The following SLC9A9 variants were observed in gnomAD, a reference collection of about 807,000 sequenced individuals.
SLC9A9 encodes the protein sodium/hydrogen exchanger 9.
Under a neutral mutation model 77.8 loss-of-function variants are expected in SLC9A9, and 62 were observed. The observed-to-expected ratio is 0.80, with a 90% CI of 0.65 to 0.98. The LOEUF (loss-of-function observed/expected upper bound fraction) is 0.98. Ranked by LOEUF, SLC9A9 falls within the 50% of genes least tolerant of loss-of-function variation. The probability of loss-of-function intolerance (pLI) is 0.00; values close to 1 mark genes in which losing one functional copy is unlikely to be tolerated. For synonymous variants in SLC9A9, 320 were observed against 283.5 expected, an observed-to-expected ratio of 1.13 and a Z score of -1.29; for missense variants, 775 against 774.9, an observed-to-expected ratio of 1.00 and a Z score of 0.00.
In SLC9A9 at chr3:143,392,494, A is replaced by T. The variant is rs531260741; in HGVS notation, c.1470-10380T>A. Among the ~76,000 whole-genome samples, 5 of 152,330 alleles carry T rather than the reference A, an allele frequency of 3.3e-5. No individual in the cohort carries two copies. The South Asian group carries it at 8.3e-4, about 25-fold the overall frequency. On this transcript the variant is annotated intron_variant, in intron 12 of 15. Coordinates refer to ENST00000316549, the MANE Select transcript of SLC9A9 (RefSeq NM_173653.4). ...ACAACTGGTACCAGCCACTGCAAAA[A>T]CATGCCAAATTGTAAAGACCATCGA...
Position 143,425,973 on chromosome 3 carries a change from C to CTT in SLC9A9, c.1469+41062_1469+41063dup, listed in dbSNP as rs34690704. 2.2e-3 allele frequency among the ~76,000 whole-genome samples: 327 copies of CTT among 147,436 alleles called. 1 individual carries two copies. Among genetic ancestry groups the CTT allele is most frequent in the East Asian group, 5.0e-3 (25 of 5,010 alleles). On this transcript the variant is annotated intron_variant, in intron 12 of 15. Transcript: ENST00000316549. Reference sequence around the variant, plus strand: ...GCTCCACACTAAAGAGCCACAATGGCTTTTTTTTTTTTTCCTAAAAAGACA... The same window carrying CTT: ...GCTCCACACTAAAGAGCCACAATGGCTTTTTTTTTTTTTTTCCTAAAAAGACA...
intron 14 of SLC9A9, among the ~76,000 whole-genome samples, chr3:143,308,788 C>T (rs919681262): frequency 6.6e-6 from 1 of 152,104 alleles, no homozygotes; most frequent in South Asian, 2.1e-4. Context: ...GGTAAACGTT[C>T]AGTATACTGG....
intron 6 of SLC9A9, among the ~76,000 whole-genome samples, chr3:143,625,299 A>G (rs1470986131): frequency 6.6e-6 from 1 of 152,258 alleles, no homozygotes; most frequent in Non-Finnish European, 1.5e-5. Flanking sequence ...AAGAGCCCGC[A>G]TTGCCAAGTC....
At chr3:143,644,393 C>T (rs572574095) in intron 6 of SLC9A9, among the ~76,000 whole-genome samples, 48 of 152,294 alleles carry the variant, frequency 3.2e-4, no homozygotes, top group African/African-American at 9.9e-4. Flanking sequence ...GTTCTGGAGA[C>T]GCTGCCAGTG....
chr3:143,303,870 C>T (rs1010488343), intron 14 of SLC9A9, among the ~76,000 whole-genome samples: 1 of 152,162 alleles, frequency 6.6e-6, no homozygotes, highest in Non-Finnish European at 1.5e-5. Context: ...AGGCACTGCC[C>T]TTGGTCCCCT....
chr3:143,389,284 C>T (rs2033499123), intron 12 of SLC9A9, among the ~76,000 whole-genome samples: 1 of 152,054 alleles, frequency 6.6e-6, no homozygotes, highest in Non-Finnish European at 1.5e-5. Context: ...AAACTGGAGG[C>T]ATGGAGGTCA....
intron 12 of SLC9A9, among the ~76,000 whole-genome samples, chr3:143,459,442 T>G (rs945193994): frequency 1.6e-4 from 24 of 152,232 alleles, no homozygotes; most frequent in Non-Finnish European, 2.5e-4. Context: ...TTGTCCAGAA[T>G]GCAAGTTCTT....
At chr3:143,544,334 C>A (rs1311858932) in intron 9 of SLC9A9, among the ~76,000 whole-genome samples, 2 of 152,130 alleles carry the variant, frequency 1.3e-5, no homozygotes, top group East Asian at 3.9e-4. Flanking sequence ...TCATGCCATT[C>A]TCCTGTCTCA....
chr3:143,632,447 T>G (rs1224987244), intron 6 of SLC9A9, among the ~76,000 whole-genome samples: 1 of 152,086 alleles, frequency 6.6e-6, no homozygotes, highest in African/African-American at 2.4e-5. Context: ...AAATTGAACC[T>G]GAGGCACTTT....
chr3:143,439,146 C>T (rs1301608985), intron 12 of SLC9A9, among the ~76,000 whole-genome samples: 2 of 152,154 alleles, frequency 1.3e-5, no homozygotes, highest in African/African-American at 4.8e-5. Flanking sequence ...GCACTTATTG[C>T]TTGCTAGGCA....
chr3:143,754,066 G>A (rs1442371923), intron 4 of SLC9A9, among the ~76,000 whole-genome samples: 1 of 152,020 alleles, frequency 6.6e-6, no homozygotes, highest in African/African-American at 2.4e-5. Context: ...CTAGAGTTTT[G>A]GATCGGCCTT....
chr3:143,397,676 C>A (rs2033760377), intron 12 of SLC9A9, among the ~76,000 whole-genome samples: 1 of 152,114 alleles, frequency 6.6e-6, no homozygotes, highest in African/African-American at 2.4e-5. Flanking sequence ...CCATTAAAGA[C>A]CATGCTTGGT....
chr3:143,395,670 A>C (rs866413093), intron 12 of SLC9A9, among the ~76,000 whole-genome samples: 4 of 152,224 alleles, frequency 2.6e-5, no homozygotes, highest in Admixed American at 6.5e-5. Flanking sequence ...CAACCTACAG[A>C]ATGGGAGAAA....
At chr3:143,515,361 A>C (rs907379929) in intron 9 of SLC9A9, among the ~76,000 whole-genome samples, 1 of 152,220 alleles carries the variant, frequency 6.6e-6, no homozygotes, top group Non-Finnish European at 1.5e-5. Flanking sequence ...ATGCTGCTGG[A>C]AAGATGAGGC....
chr3:143,654,335 G>A (rs776341041), intron 5 of SLC9A9, among the ~76,000 whole-genome samples: 11 of 152,196 alleles, frequency 7.2e-5, no homozygotes, highest in Non-Finnish European at 1.3e-4. Context: ...GAATTGACAT[G>A]ACAATTGGCC....
At chr3:143,665,808 A>G (rs1353212715) in intron 5 of SLC9A9, among the ~76,000 whole-genome samples, 1 of 152,230 alleles carries the variant, frequency 6.6e-6, no homozygotes, top group African/African-American at 2.4e-5. Context: ...TGAATAGACC[A>G]ATAACAGGCT....
chr3:143,439,943 T>G (rs752448768), intron 12 of SLC9A9, among the ~76,000 whole-genome samples: 2 of 152,212 alleles, frequency 1.3e-5, no homozygotes, highest in Non-Finnish European at 2.9e-5. Flanking sequence ...GCAGTTTTAT[T>G]GCTTCAGGAG....
intron 8 of SLC9A9, among the ~76,000 whole-genome samples, chr3:143,557,847 A>G (rs2037014150): frequency 6.6e-6 from 1 of 152,246 alleles, no homozygotes; most frequent in African/African-American, 2.4e-5. Context: ...CAGCCTGACA[A>G]TGCAATAGAA....
intron 12 of SLC9A9, among the ~76,000 whole-genome samples, chr3:143,442,414 G>C (rs1342483423): frequency 6.6e-6 from 1 of 152,180 alleles, no homozygotes; most frequent in African/African-American, 2.4e-5. Context: ...TGCTACCTAT[G>C]TAAATTCTAA....
Sources: allele counts gnomAD v4.1 joint callset (sites outside exome capture counted in the v4.1 genomes callset), GRCh38; gene constraint gnomAD v4.1.1; transcripts MANE v1.5; gene names NCBI Gene and HGNC (gene_info 2026-07-23, HGNC 2026-07-21).